Variants in IFIT1B observed in about 807,000 individuals in gnomAD.
The protein encoded by IFIT1B is protein IFIT1 homolog B.
A neutral mutation model predicts 2.5 loss-of-function variants in IFIT1B; 3 were observed. The ratio of observed to expected loss-of-function variants is 1.21; its 90% confidence interval spans 0.55 to 3.14. IFIT1B has a LOEUF of 3.14. IFIT1B is among the 30% of genes most tolerant of loss of function. The pLI is 0.03. For synonymous variants in IFIT1B, 196 were observed against 203.0 expected, an observed-to-expected ratio of 0.97 and a Z score of 0.29; for missense variants, 545 against 556.5, an observed-to-expected ratio of 0.98 and a Z score of 0.21.
chr10:89,383,851 G>A lies in IFIT1B; in HGVS notation c.538G>A (p.Gly180Arg), dbSNP rs73369750. 6.6e-3 allele frequency: 10,647 copies of A among 1,614,158 alleles called. 587 individuals are homozygous for A. The African/African-American group carries it at 0.12, about 18-fold the overall frequency. ...CCCTGAAAACCCTGAATTCAATACT[G>A]GGTACGCAATCACCGTCTATCGCCT... ...GNPENPEFNT[G>R]YAITVYRLDK... The change falls in exon 2 of 2, where the codon GGG becomes AGG. Residue 180 changes from glycine (G) to arginine (R), a missense_variant. Gly to Arg is a moderately radical substitution (Grantham distance 125). Coordinates refer to ENST00000371809, the MANE Select transcript of IFIT1B (RefSeq NM_001010987.2).
intron 1 of IFIT1B, among the ~76,000 whole-genome samples, chr10:89,380,672 A>G (rs1367852103): frequency 6.6e-6 from 1 of 152,124 alleles, no homozygotes; most frequent in African/African-American, 2.4e-5. Flanking sequence ...GGCTCAAGCA[A>G]TTCACCTGCC....
At position 89,383,420 on chromosome 10, in the gene IFIT1B, A is replaced by G; in HGVS notation, c.107A>G (p.Glu36Gly). ...LIEAPEIPDL[E>G]NRIWEEIQFL... ...GAAGCCCCTGAAATTCCTGATTTAG[A>G]AAACAGGATCTGGGAAGAGATTCAG... The change falls in exon 2 of 2, where the codon GAA becomes GGA. Residue 36 changes from glutamate (E) to glycine (G), a missense_variant. Transcript: ENST00000371809. 6.2e-7 allele frequency: 1 copy of G among 1,614,234 alleles called. No homozygotes were observed. Among genetic ancestry groups the G allele is most frequent in the Non-Finnish European group, 8.5e-7 (1 of 1,180,032 alleles).
At chr10:89,383,194 G>C in intron 1 of IFIT1B, 125 bp from the exon 2 acceptor site, 1 of 807,158 alleles carries the variant, frequency 1.2e-6, no homozygotes, top group Middle Eastern at 2.5e-4. Flanking sequence ...GAACCCAGAG[G>C]GGCACCAGAT....
chr10:89,380,408 G>C (rs1357900142), intron 1 of IFIT1B, among the ~76,000 whole-genome samples: 1 of 151,728 alleles, frequency 6.6e-6, no homozygotes, highest in South Asian at 2.1e-4. Context: ...ACAGGGATTA[G>C]GTCACTACAT....
At position 89,382,729 on chromosome 10, in the gene IFIT1B, T is replaced by C. The variant is rs1210561198; in HGVS notation, c.6-590T>C. ...TTCCACCCACTTGGAACCCCTCCAT[T>C]TAGGATTGGTTGAGTAAGTGCACAC... On this transcript the variant is annotated intron_variant, in intron 1 of 1. Transcript: ENST00000371809. Among the ~76,000 whole-genome samples, 15 of 152,282 alleles carry C rather than the reference T, an allele frequency of 9.9e-5. No individual in the cohort carries two copies. In the East Asian group the frequency reaches 2.9e-3, roughly 29 times the overall value.
In IFIT1B at chr10:89,384,565, C is replaced by G; in HGVS notation, c.1252C>G (p.Leu418Val). The G allele has an allele frequency of 6.2e-7, 1 of 1,614,144 alleles. No homozygotes were observed. The highest frequency in any genetic ancestry group is 1.7e-5 in the Admixed American group (1 of 60,022). The change falls in exon 2 of 2, where the codon CTT (leucine) becomes GTT (valine). Residue 418 changes from leucine (L) to valine (V), a missense_variant. By Grantham distance (32) the Leu-to-Val change is conservative. Transcript: ENST00000371809. ...AAAAATGTCCCATTCCAGGGAAAAA[C>G]TTCTCAATGCTTTAGAGAAATTGGC... The part of the protein sequence containing the change: ...IEKMSHSREK[L>V]LNALEKLAKR...
chr10:89,383,170 A>G, intron 1 of IFIT1B, 149 bp from the exon 2 acceptor site: 1 of 679,322 alleles, frequency 1.5e-6, no homozygotes, highest in Non-Finnish European at 2.5e-6. Flanking sequence ...CTCTTTCCTA[A>G]TGACATGACT....
intron 1 of IFIT1B, among the ~76,000 whole-genome samples, chr10:89,381,190 A>T (rs1361426552): frequency 6.6e-6 from 1 of 152,198 alleles, no homozygotes; most frequent in Admixed American, 6.5e-5. Flanking sequence ...ATATTCCAGC[A>T]GCTCTAGAGT....
Position 89,383,859 on chromosome 10 carries a change from A to C in IFIT1B, c.546A>C (p.Ala182=). The C allele has an allele frequency of 6.2e-7, 1 of 1,614,226 alleles. No individual in the cohort carries two copies. The highest frequency in any genetic ancestry group is 8.5e-7 in the Non-Finnish European group (1 of 1,180,054). Residue 182 remains alanine (A), a synonymous_variant, in exon 2 of 2, where the codon GCA becomes GCC. Coordinates refer to ENST00000371809, the MANE Select transcript of IFIT1B (RefSeq NM_001010987.2). ...PENPEFNTGY[A]ITVYRLDKFN... is the part of the protein sequence containing the mutation. ...ACCCTGAATTCAATACTGGGTACGCAATCACCGTCTATCGCCTGGATAAAT... is the reference window on the plus strand; with the variant it reads ...ACCCTGAATTCAATACTGGGTACGCCATCACCGTCTATCGCCTGGATAAAT...
Position 89,384,098 on chromosome 10 carries a change from G to C in IFIT1B, c.785G>C (p.Arg262Pro). 1 of 1,614,138 alleles carries C rather than the reference G, an allele frequency of 6.2e-7. No homozygotes were observed. The highest frequency in any genetic ancestry group is 2.2e-5 in the East Asian group (1 of 44,880). The change falls in exon 2 of 2, where the codon CGA becomes CCA. Residue 262 changes from arginine to proline, a missense_variant. Coordinates refer to ENST00000371809, the MANE Select transcript of IFIT1B (RefSeq NM_001010987.2). ...TTTCAATATGCAGCCAAGTTTTATC[G>C]AAGAAAAGGGTCTGTGGATAAAGCT... Reference protein sequence around the residue: ...YVFQYAAKFYRRKGSVDKALE... With the variant: ...YVFQYAAKFYPRKGSVDKALE...
At chr10:89,378,495 G>T (rs139935818) in intron 1 of IFIT1B, among the ~76,000 whole-genome samples, 1 of 152,124 alleles carries the variant, frequency 6.6e-6, no homozygotes, top group African/African-American at 2.4e-5. Flanking sequence ...TAGGGGAGGG[G>T]CTTCTCAAGA....
At chr10:89,383,225 G>T in intron 1 of IFIT1B, 94 bp from the exon 2 acceptor site, 1 of 1,097,380 alleles carries the variant, frequency 9.1e-7, no homozygotes. Context: ...GGGAAATTAG[G>T]ATAGAGCATA....
rs1320363077 is a variant in IFIT1B at position 89,384,245 on chromosome 10, G to C, written c.932G>C (p.Arg311Thr). 1 of 1,614,216 alleles carries C rather than the reference G, an allele frequency of 6.2e-7. No homozygotes were observed. The highest frequency in any genetic ancestry group is 2.2e-5 in the East Asian group (1 of 44,890). ...QIKEATNWQP[R>T]GQDRETVDRL... is the part of the protein sequence containing the mutation. ...AAGGAAGCTACAAACTGGCAGCCTAGAGGGCAAGATAGGGAAACTGTGGAC... is the reference window on the plus strand; with the variant it reads ...AAGGAAGCTACAAACTGGCAGCCTACAGGGCAAGATAGGGAAACTGTGGAC... Residue 311 changes from arginine (R) to threonine (T), a missense_variant, in exon 2 of 2, where the codon AGA becomes ACA. By Grantham distance (71) the Arg-to-Thr change is moderately conservative. Transcript: ENST00000371809.
At chr10:89,380,447 T>G (rs1442650033) in intron 1 of IFIT1B, among the ~76,000 whole-genome samples, 1 of 151,750 alleles carries the variant, frequency 6.6e-6, no homozygotes, top group Non-Finnish European at 1.5e-5. Flanking sequence ...TTTTTTTTTT[T>G]TTTTTCCAGA....
chr10:89,383,708 C>A lies in IFIT1B; in HGVS notation c.395C>A (p.Ser132Tyr). The change falls in exon 2 of 2, where the codon TCC becomes TAC. Residue 132 changes from serine to tyrosine, a missense_variant. By Grantham distance (144) the Ser-to-Tyr change is moderately radical. Transcript: ENST00000371809. ...ENTCKKFANP[S>Y]RYRMECPEVD... is the part of the protein sequence containing the mutation. ...ACTTGCAAGAAGTTTGCAAATCCTT[C>A]CCGCTATAGAATGGAGTGTCCAGAG... The A allele has an allele frequency of 6.2e-7, 1 of 1,614,198 alleles. No individual in the cohort carries two copies. The highest frequency in any genetic ancestry group is 8.5e-7 in the Non-Finnish European group (1 of 1,180,044).
At chr10:89,379,955 A>C (rs1170119688) in intron 1 of IFIT1B, among the ~76,000 whole-genome samples, 1 of 152,030 alleles carries the variant, frequency 6.6e-6, no homozygotes, top group African/African-American at 2.4e-5. Flanking sequence ...GAATGGCGTG[A>C]ACCTGGGAGG....
chr10:89,384,761 T>C lies in IFIT1B; in HGVS notation c.*23T>C, dbSNP rs1482696357. Reference sequence around the variant, plus strand: ...TAACATAGAGGTCACCATTATCCATTTAATGGTCTTATAACTAAATAGAAT... The same window carrying C: ...TAACATAGAGGTCACCATTATCCATCTAATGGTCTTATAACTAAATAGAAT... On this transcript the variant is annotated 3_prime_UTR_variant, in exon 2 of 2. Transcript: ENST00000371809. 6.7e-7 allele frequency: 1 copy of C among 1,495,750 alleles called. No individual in the cohort carries two copies. The highest frequency in any genetic ancestry group is 2.3e-5 in the East Asian group (1 of 44,144). 92.7% of individuals were successfully genotyped at this position (1,495,750 alleles called of 1,614,324 possible).
At position 89,383,658 on chromosome 10, in the gene IFIT1B, G is replaced by A; in HGVS notation, c.345G>A (p.Gln115=). Residue 115 remains glutamine, a synonymous_variant, in exon 2 of 2, where the codon CAG becomes CAA. Transcript: ENST00000371809. ...ACATGGGCAGATTGGCAGAAGCCCA[G>A]ACTTACCTGGACAAGGTGGAGAACA... ...YYHMGRLAEA[Q]TYLDKVENTC... The A allele has an allele frequency of 6.2e-7, 1 of 1,614,264 alleles. No individual in the cohort carries two copies. The highest frequency in any genetic ancestry group is 1.1e-5 in the South Asian group (1 of 91,090).
Position 89,383,920 on chromosome 10 carries a change from C to CG in IFIT1B, c.607_608insG (p.Leu203ArgfsTer14). 1 of 1,614,196 alleles carries CG rather than the reference C, an allele frequency of 6.2e-7. No individual in the cohort carries two copies. The highest frequency in any genetic ancestry group is 8.5e-7 in the Non-Finnish European group (1 of 1,180,034). ...ATCAGGGAGGAATAAGGCATTTTCT[C>CG]TGCACGTCCTAAAACGAGCTGTCAG... On this transcript the variant is annotated frameshift_variant, in exon 2 of 2. Coordinates refer to ENST00000371809, the MANE Select transcript of IFIT1B (RefSeq NM_001010987.2). LOFTEE classifies it low-confidence loss of function (END_TRUNC).
Sources: gnomAD v4.1 joint callset for allele counts (sites outside exome capture counted in the v4.1 genomes callset) on GRCh38, gnomAD v4.1.1 for gene constraint, MANE v1.5 for transcripts, NCBI Gene and HGNC (gene_info 2026-07-23, HGNC 2026-07-21) for gene names.